RBMS3: variants seen among roughly 807,000 people sequenced by gnomAD.
The protein encoded by RBMS3 is RNA-binding motif, single-stranded-interacting protein 3.
In RBMS3, 27 loss-of-function variants were observed where a neutral mutation model predicts 66.8. That is an observed-to-expected ratio of 0.40 (90% CI 0.30 to 0.56). The LOEUF is 0.56. Ranked by LOEUF, RBMS3 falls within the 20% of genes least tolerant of loss-of-function variation. RBMS3 has a pLI of 0.40. For missense variants in RBMS3, 513 were observed against 549.5 expected, an observed-to-expected ratio of 0.93 and a Z score of 0.66; for synonymous variants, 188 against 183.0, an observed-to-expected ratio of 1.03 and a Z score of -0.22.
At chr3:29,315,823 A>G (rs1356435426) in intron 1 of RBMS3, among the ~76,000 whole-genome samples, 2 of 151,780 alleles carry the variant, frequency 1.3e-5, no homozygotes, top group East Asian at 1.9e-4. Flanking sequence ...TTAAATTTTT[A>G]TAGATCAGGC....
intron 1 of RBMS3, among the ~76,000 whole-genome samples, chr3:29,386,842 G>A (rs115444398): frequency 0.022 from 3,386 of 152,096 alleles, 51 homozygotes; most frequent in Non-Finnish European, 0.032. Context: ...TCCACTACTC[G>A]AGCAAAATGA....
intron 1 of RBMS3, among the ~76,000 whole-genome samples, chr3:29,335,466 C>A (rs2035892722): frequency 6.6e-6 from 1 of 152,156 alleles, no homozygotes; most frequent in Non-Finnish European, 1.5e-5. Context: ...TCAAAGAACT[C>A]CCCTGCCATG....
chr3:29,834,054 A>G (rs914652184), intron 6 of RBMS3, among the ~76,000 whole-genome samples: 16 of 152,218 alleles, frequency 1.1e-4, no homozygotes, highest in Admixed American at 1.0e-3. Flanking sequence ...AAAGTGCTGG[A>G]AAAAAATTAC....
intron 4 of RBMS3, among the ~76,000 whole-genome samples, chr3:29,590,665 A>T (rs1230253198): frequency 6.6e-6 from 1 of 152,082 alleles, no homozygotes; most frequent in South Asian, 2.1e-4. Context: ...GTTCTTGGCA[A>T]CTTCAGGATA....
chr3:29,763,038 C>T, intron 6 of RBMS3, 49 bp downstream of exon 6: 1 of 1,290,188 alleles, frequency 7.8e-7, no homozygotes, highest in South Asian at 1.2e-5. Context: ...GCTTAAATTG[C>T]TCTTATTAGA....
At chr3:29,751,538 A>G (rs2055182468) in intron 5 of RBMS3, among the ~76,000 whole-genome samples, 1 of 152,220 alleles carries the variant, frequency 6.6e-6, no homozygotes, top group South Asian at 2.1e-4. Flanking sequence ...CTTTCCCAAG[A>G]TTAATCTTCC....
intron 3 of RBMS3, among the ~76,000 whole-genome samples, chr3:29,545,068 T>G (rs972264813): frequency 6.6e-6 from 1 of 152,120 alleles, no homozygotes; most frequent in Non-Finnish European, 1.5e-5. Context: ...TAACATTATT[T>G]ATGACAGCAA....
chr3:29,417,008 A>G (rs1408020746), intron 1 of RBMS3, among the ~76,000 whole-genome samples: 2 of 152,316 alleles, frequency 1.3e-5, no homozygotes, highest in African/African-American at 4.8e-5. Context: ...GTTAGAGGAC[A>G]GGCAGAATTA....
chr3:29,756,944 C>T (rs1188584357), intron 5 of RBMS3, among the ~76,000 whole-genome samples: 2 of 152,092 alleles, frequency 1.3e-5, no homozygotes, highest in Non-Finnish European at 2.9e-5. Flanking sequence ...TTTCCTGAAC[C>T]TTGTTGTTTA....
chr3:29,482,402 A>C (rs1399643713), intron 2 of RBMS3, among the ~76,000 whole-genome samples: 28 of 152,210 alleles, frequency 1.8e-4, no homozygotes, highest in African/African-American at 5.8e-4. Context: ...TTCTAATTAA[A>C]GAACAAGGAA....
At chr3:29,989,620 GT>G (rs1698686634) in intron 13 of RBMS3, among the ~76,000 whole-genome samples, 1 of 152,302 alleles carries the variant, frequency 6.6e-6, no homozygotes, top group African/African-American at 2.4e-5. Context: ...ACAAATGTTT[GT>G]TCATACCAAG....
chr3:29,645,948 AT>A (rs997551981), intron 4 of RBMS3, among the ~76,000 whole-genome samples: 2 of 152,186 alleles, frequency 1.3e-5, no homozygotes, highest in African/African-American at 2.4e-5. Context: ...ATATTTGGAA[AT>A]ACCTACAAAG....
intron 1 of RBMS3, among the ~76,000 whole-genome samples, chr3:29,387,819 G>A (rs540068369): frequency 1.3e-5 from 2 of 152,036 alleles, no homozygotes; most frequent in East Asian, 3.8e-4. Flanking sequence ...CCTTCCAAAA[G>A]TTTTGGATCT....
At chr3:29,514,684 A>G (rs2044549107) in intron 3 of RBMS3, among the ~76,000 whole-genome samples, 1 of 94,714 alleles carries the variant, frequency 1.1e-5, no homozygotes, top group Non-Finnish European at 1.9e-5. Context: ...TATATATGAT[A>G]GGCATACATA....
chr3:29,529,210 T>C (rs1022166887), intron 3 of RBMS3, among the ~76,000 whole-genome samples: 3 of 152,204 alleles, frequency 2.0e-5, no homozygotes, highest in Non-Finnish European at 4.4e-5. Context: ...CTATTGTAAC[T>C]GTTCAGACAA....
chr3:29,974,490 T>G (rs1407925255), intron 12 of RBMS3, among the ~76,000 whole-genome samples: 3 of 151,852 alleles, frequency 2.0e-5, no homozygotes, highest in Non-Finnish European at 4.4e-5. Flanking sequence ...AATTCACAAA[T>G]TTACAGCTCA....
At chr3:29,498,460 C>T (rs1034378855) in intron 3 of RBMS3, among the ~76,000 whole-genome samples, 1 of 151,806 alleles carries the variant, frequency 6.6e-6, no homozygotes, top group Non-Finnish European at 1.5e-5. Flanking sequence ...ATGTATAATG[C>T]ACAAATATGA....
At chr3:29,477,644 A>G (rs937136136) in intron 2 of RBMS3, among the ~76,000 whole-genome samples, 1 of 152,074 alleles carries the variant, frequency 6.6e-6, no homozygotes, top group African/African-American at 2.4e-5. Flanking sequence ...CCAAAATCCT[A>G]TTGGATCATA....
intron 14 of RBMS3, among the ~76,000 whole-genome samples, chr3:29,997,265 G>A (rs1699308951): frequency 6.6e-6 from 1 of 151,962 alleles, no homozygotes; most frequent in Admixed American, 6.6e-5. Flanking sequence ...CTGAAATTGT[G>A]GCAATAATCA....
Sources: allele counts gnomAD v4.1 joint callset (sites outside exome capture counted in the v4.1 genomes callset), GRCh38; gene constraint gnomAD v4.1.1; transcripts MANE v1.5; gene names NCBI Gene and HGNC (gene_info 2026-07-23, HGNC 2026-07-21).